PCCA: variants seen among roughly 807,000 people sequenced by gnomAD.
PCCA encodes propionyl-CoA carboxylase alpha chain, mitochondrial.
PCCA carries 74 observed loss-of-function variants against 101.3 expected under a neutral mutation model. That is an observed-to-expected ratio of 0.73 (90% confidence interval 0.61 to 0.89). PCCA has a LOEUF of 0.89. PCCA is among the 40% of genes least tolerant of loss of function. The pLI is 0.00. For missense variants in PCCA, 891 were observed against 907.0 expected, an observed-to-expected ratio of 0.98 and a Z score of 0.23; for synonymous variants, 294 against 313.6, an observed-to-expected ratio of 0.94 and a Z score of 0.66.
chr13:100,431,624 T>G (rs1158092823), intron 20 of PCCA, among the ~76,000 whole-genome samples: 1 of 152,202 alleles, frequency 6.6e-6, no homozygotes, highest in Non-Finnish European at 1.5e-5. Flanking sequence ...CCCAGCACTT[T>G]GAGAGGCCGA....
At chr13:100,180,889 T>C (rs986672950) in intron 6 of PCCA, among the ~76,000 whole-genome samples, 1 of 152,234 alleles carries the variant, frequency 6.6e-6, no homozygotes, top group Admixed American at 6.5e-5. Context: ...TCATTTTATC[T>C]TCCCTGACAA....
At chr13:100,197,639 A>G (rs933078176) in intron 6 of PCCA, among the ~76,000 whole-genome samples, 2 of 151,916 alleles carry the variant, frequency 1.3e-5, no homozygotes, top group African/African-American at 4.8e-5. Flanking sequence ...AGATGGTTTC[A>G]CCCTGTTGGT....
At chr13:100,403,531 G>A (rs561761780) in intron 19 of PCCA, among the ~76,000 whole-genome samples, 1 of 152,262 alleles carries the variant, frequency 6.6e-6, no homozygotes, top group South Asian at 2.1e-4. Flanking sequence ...GGGTGGGGAT[G>A]TGCCACACAC....
intron 21 of PCCA, among the ~76,000 whole-genome samples, chr13:100,456,655 T>A (rs1017235437): frequency 1.3e-4 from 8 of 63,866 alleles, no homozygotes; most frequent in African/African-American, 1.1e-3. Flanking sequence ...TAGCCGAAGC[T>A]GAGAGAGAGA....
chr13:100,127,994 A>G (rs866971429), intron 4 of PCCA, among the ~76,000 whole-genome samples: 1 of 152,210 alleles, frequency 6.6e-6, no homozygotes, highest in Non-Finnish European at 1.5e-5. Flanking sequence ...AGCCTCCCTC[A>G]TTCAGACTCC....
chr13:100,227,767 G>T (rs933703727), intron 7 of PCCA, among the ~76,000 whole-genome samples: 3 of 152,112 alleles, frequency 2.0e-5, no homozygotes, highest in African/African-American at 7.2e-5. Flanking sequence ...TCACTTAGAA[G>T]AATAGAATAA....
intron 7 of PCCA, among the ~76,000 whole-genome samples, chr13:100,212,872 CCCCCACTCCT>C: frequency 6.6e-6 from 1 of 151,580 alleles, no homozygotes; most frequent in African/African-American, 2.4e-5. Flanking sequence ...ACATCACCCA[CCCCCACTCCT>C]CCCCACTACC....
chr13:100,402,695 A>G (rs990459197), intron 19 of PCCA, among the ~76,000 whole-genome samples: 1 of 152,130 alleles, frequency 6.6e-6, no homozygotes, highest in African/African-American at 2.4e-5. Context: ...ACCCAGCCCT[A>G]TTTAGCAGTG....
chr13:100,306,047 C>T (rs976468515), intron 14 of PCCA, among the ~76,000 whole-genome samples: 6 of 152,072 alleles, frequency 3.9e-5, no homozygotes, highest in African/African-American at 7.2e-5. Context: ...CTGATGTCAC[C>T]GTATAATAAA....
intron 6 of PCCA, among the ~76,000 whole-genome samples, chr13:100,171,069 T>C (rs1298007747): frequency 6.6e-6 from 1 of 152,214 alleles, no homozygotes; most frequent in East Asian, 1.9e-4. Flanking sequence ...TTATATGATA[T>C]ATGTTATCAC....
At chr13:100,207,623 G>A (rs889433570) in intron 6 of PCCA, among the ~76,000 whole-genome samples, 1 of 151,906 alleles carries the variant, frequency 6.6e-6, no homozygotes, top group Non-Finnish European at 1.5e-5. Flanking sequence ...CTCAAGATCT[G>A]CCCTCCTCGG....
intron 11 of PCCA, among the ~76,000 whole-genome samples, chr13:100,271,923 A>T (rs1358580789): frequency 6.6e-6 from 1 of 152,244 alleles, no homozygotes; most frequent in Non-Finnish European, 1.5e-5. Context: ...TATTGGAGGC[A>T]GCTTCATGCA....
intron 4 of PCCA, among the ~76,000 whole-genome samples, chr13:100,118,379 A>C (rs554121079): frequency 1.3e-5 from 2 of 152,088 alleles, no homozygotes; most frequent in East Asian, 1.9e-4. Flanking sequence ...ACATTTGTTT[A>C]TTATACCTCT....
At chr13:100,282,198 G>A (rs2064174178) in intron 12 of PCCA, among the ~76,000 whole-genome samples, 2 of 152,204 alleles carry the variant, frequency 1.3e-5, no homozygotes, top group African/African-American at 4.8e-5. Context: ...TCAGAAAGGA[G>A]GGGCTTTGTG....
chr13:100,137,163 T>A (rs2051285274), intron 4 of PCCA, among the ~76,000 whole-genome samples: 1 of 152,176 alleles, frequency 6.6e-6, no homozygotes, highest in African/African-American at 2.4e-5. Flanking sequence ...GAGATTTTTC[T>A]ACTGTCTTTC....
chr13:100,125,403 C>T (rs7335918), intron 4 of PCCA, among the ~76,000 whole-genome samples: 2,962 of 152,228 alleles, frequency 0.019, 92 homozygotes, highest in African/African-American at 0.059. Context: ...AAAAGTCTTA[C>T]GGCAAAGCCT....
chr13:100,430,909 T>C (rs1193718314), intron 20 of PCCA, among the ~76,000 whole-genome samples: 1 of 152,222 alleles, frequency 6.6e-6, no homozygotes, highest in Non-Finnish European at 1.5e-5. Flanking sequence ...CACTGACTGT[T>C]CTAAGCACTT....
At chr13:100,264,375 T>C (rs1004214953) in intron 10 of PCCA, among the ~76,000 whole-genome samples, 1 of 152,098 alleles carries the variant, frequency 6.6e-6, no homozygotes, top group African/African-American at 2.4e-5. Context: ...CAGGTCTAGA[T>C]AGAGAATGTC....
chr13:100,320,691 G>T (rs1433675950), intron 16 of PCCA, among the ~76,000 whole-genome samples: 1 of 152,132 alleles, frequency 6.6e-6, no homozygotes, highest in Non-Finnish European at 1.5e-5. Context: ...GATCATGGTG[G>T]ATAAGCTTTT....
Sources: allele counts gnomAD v4.1 joint callset (sites outside exome capture counted in the v4.1 genomes callset), GRCh38; gene constraint gnomAD v4.1.1; transcripts MANE v1.5; gene names NCBI Gene and HGNC (gene_info 2026-07-23, HGNC 2026-07-21).